The following UBAP2 variants were observed in gnomAD, a reference collection of about 807,000 sequenced individuals.
UBAP2 encodes the protein ubiquitin associated protein 2, also known as ubiquitin-associated protein 2.
In UBAP2, 75 loss-of-function variants were observed where a neutral mutation model predicts 139.6. That is an observed-to-expected ratio of 0.54 (90% confidence interval 0.45 to 0.65). The LOEUF (loss-of-function observed/expected upper bound fraction) is 0.65. UBAP2 is among the 30% of genes least tolerant of loss of function. The pLI is 0.00. For missense variants in UBAP2, 1,368 were observed against 1,369.6 expected, an observed-to-expected ratio of 1.00 and a Z score of 0.02; for synonymous variants, 526 against 526.2, an observed-to-expected ratio of 1.00 and a Z score of 0.01.
At chr9:34,030,319 G>A (rs1442243720) in intron 1 of UBAP2, among the ~76,000 whole-genome samples, 2 of 151,800 alleles carry the variant, frequency 1.3e-5, no homozygotes, top group African/African-American at 4.8e-5. Flanking sequence ...CGTGGTGGCG[G>A]GCACCTGTAG....
At chr9:33,929,589 T>C (rs1242630162) in intron 19 of UBAP2, among the ~76,000 whole-genome samples, 1 of 151,192 alleles carries the variant, frequency 6.6e-6, no homozygotes, top group Non-Finnish European at 1.5e-5. Flanking sequence ...CAGATCTATG[T>C]AAAAAAAAAT....
At chr9:34,034,733 T>A (rs963450499) in intron 1 of UBAP2, among the ~76,000 whole-genome samples, 5 of 151,830 alleles carry the variant, frequency 3.3e-5, no homozygotes, top group African/African-American at 1.2e-4. Context: ...ATTAGCCAGG[T>A]GTAGTGGCAT....
intron 1 of UBAP2, among the ~76,000 whole-genome samples, chr9:34,038,906 G>A (rs1358690805): frequency 7.7e-6 from 1 of 130,290 alleles, no homozygotes; most frequent in Middle Eastern, 3.8e-3. Context: ...CCCCGTCTGG[G>A]ATGTGGGGAG....
Position 33,923,200 on chromosome 9 carries a change from G to A in UBAP2, c.2990C>T (p.Ser997Phe). ...GTAAACACTACCTTTGCCAGGCCCA[G>A]AACCTGCAGACTTGTTTGGTGCCTG... ...SSQAPNKSAG[S>F]GPGKGVSVSS... The change falls in exon 26 of 29, where the codon TCT becomes TTT. Residue 997 changes from serine to phenylalanine, a missense_variant. Physicochemically the swap from Ser to Phe is radical, Grantham distance 155 (BLOSUM62 -2). Transcript: ENST00000379238. 1 of 1,614,218 alleles carries A rather than the reference G, an allele frequency of 6.2e-7. No homozygotes were observed. Among genetic ancestry groups the A allele is most frequent in the Non-Finnish European group, 8.5e-7 (1 of 1,180,030 alleles).
intron 1 of UBAP2, among the ~76,000 whole-genome samples, chr9:34,045,277 C>T (rs1193136140): frequency 6.7e-6 from 1 of 149,270 alleles, no homozygotes; most frequent in Non-Finnish European, 1.5e-5. Context: ...ACCCAGAAGG[C>T]GGAGCTTGAA....
At chr9:34,017,784 G>A (rs1016049420) in intron 1 of UBAP2, among the ~76,000 whole-genome samples, 22 of 152,018 alleles carry the variant, frequency 1.4e-4, no homozygotes, top group African/African-American at 4.3e-4. Context: ...AAAGTTAGCC[G>A]GGCATGGTGG....
rs1661569117 is a variant in UBAP2 at position 34,041,895 on chromosome 9, G to A, written c.-42+6930C>T. On this transcript the variant is annotated intron_variant, in intron 1 of 28. Coordinates refer to ENST00000379238, the MANE Select transcript of UBAP2 (RefSeq NM_001370062.2). ...CAAAAATTAGCCAGGCATGGTGGCG[G>A]GCACCTGTAGTCCCAGCTATTTGGG... Among the ~76,000 whole-genome samples the A allele has an allele frequency of 5.3e-5, 8 of 151,794 alleles. No homozygotes were observed. The South Asian group carries it at 1.7e-3, about 32-fold the overall frequency.
chr9:33,981,942 C>T (rs1820804395), intron 6 of UBAP2, among the ~76,000 whole-genome samples: 1 of 152,120 alleles, frequency 6.6e-6, no homozygotes, highest in African/African-American at 2.4e-5. Flanking sequence ...CACATTATCT[C>T]TATGAAATGG....
At chr9:33,961,488 A>AAT (rs1827041242) in intron 9 of UBAP2, among the ~76,000 whole-genome samples, 1 of 152,222 alleles carries the variant, frequency 6.6e-6, no homozygotes, top group Admixed American at 6.5e-5. Flanking sequence ...GTTCTTACAG[A>AAT]ATACTCATCC....
intron 2 of UBAP2, among the ~76,000 whole-genome samples, chr9:34,004,096 G>A (rs1464860731): frequency 1.3e-5 from 2 of 152,066 alleles, no homozygotes; most frequent in Non-Finnish European, 2.9e-5. Context: ...GTGTTAAAAG[G>A]AGTTTAAAAC....
At chr9:34,027,359 T>TAATC (rs944608429) in intron 1 of UBAP2, among the ~76,000 whole-genome samples, 1 of 152,110 alleles carries the variant, frequency 6.6e-6, no homozygotes, top group African/African-American at 2.4e-5. Context: ...CGCATGCCTG[T>TAATC]AATCCCAGCA....
chr9:34,014,694 C>G (rs1349517788), intron 2 of UBAP2, among the ~76,000 whole-genome samples: 2 of 149,080 alleles, frequency 1.3e-5, no homozygotes, highest in African/African-American at 5.0e-5. Context: ...ACTTGGAAGG[C>G]TGAGGCAAGA....
intron 8 of UBAP2, among the ~76,000 whole-genome samples, chr9:33,970,451 G>A (rs1332394490): frequency 1.3e-4 from 19 of 150,366 alleles, no homozygotes; most frequent in Admixed American, 1.3e-3. Flanking sequence ...TTTTTTTTCA[G>A]GCACGCCTTG....
chr9:33,982,166 A>AGCAGCCC (rs1820821595), intron 6 of UBAP2, among the ~76,000 whole-genome samples: 2 of 152,194 alleles, frequency 1.3e-5, no homozygotes, highest in Admixed American at 6.5e-5. Flanking sequence ...GCCAGCAGCC[A>AGCAGCCC]GCAGCCCCTC....
intron 19 of UBAP2, chr9:33,928,219 A>G (rs183447355): frequency 6.6e-5 from 31 of 472,106 alleles, no homozygotes; most frequent in African/African-American, 5.4e-4. Flanking sequence ...CTGAACATCA[A>G]AACTATTAAC....
At chr9:33,924,365 G>C in intron 22 of UBAP2, 81 bp from the exon 23 acceptor site, 1 of 1,358,372 alleles carries the variant, frequency 7.4e-7, no homozygotes, top group Non-Finnish European at 1.1e-6. Context: ...TGGAAGTGGT[G>C]ACGCCACACT....
At chr9:33,983,872 G>A (rs1390194790) in intron 6 of UBAP2, among the ~76,000 whole-genome samples, 1 of 152,066 alleles carries the variant, frequency 6.6e-6, no homozygotes, top group Non-Finnish European at 1.5e-5. Context: ...TTTACTATGT[G>A]GCATATGACA....
intron 13 of UBAP2, among the ~76,000 whole-genome samples, chr9:33,947,774 G>A (rs1401499217): frequency 6.6e-6 from 1 of 151,090 alleles, no homozygotes; most frequent in African/African-American, 2.4e-5. Flanking sequence ...GCAGTGACGC[G>A]TTACTGTGCC....
At chr9:34,038,970 C>T (rs1235314351) in intron 1 of UBAP2, among the ~76,000 whole-genome samples, 1 of 150,970 alleles carries the variant, frequency 6.6e-6, no homozygotes, top group African/African-American at 2.4e-5. Context: ...TGCCCGACCG[C>T]GACCCCGTCT....
Sources: allele counts gnomAD v4.1 joint callset (sites outside exome capture counted in the v4.1 genomes callset), GRCh38; gene constraint gnomAD v4.1.1; transcripts MANE v1.5; gene names NCBI Gene and HGNC (gene_info 2026-07-23, HGNC 2026-07-21).